Variants in RBFOX1 observed in about 807,000 individuals in gnomAD.
The protein encoded by RBFOX1 is RNA binding protein fox-1 homolog 1.
In RBFOX1, 8 loss-of-function variants were observed where a neutral mutation model predicts 57.7. That is an observed-to-expected ratio of 0.14 (90% CI 0.08 to 0.25). The LOEUF (loss-of-function observed/expected upper bound fraction) is 0.25. Ranked by LOEUF, RBFOX1 falls within the 10% of genes least tolerant of loss-of-function variation. The pLI, the probability that RBFOX1 is intolerant of heterozygous loss-of-function variation, is 1.00. For synonymous variants in RBFOX1, 326 were observed against 222.4 expected (o/e 1.47, Z -4.15); for missense variants, 611 against 548.5 (o/e 1.11, Z -1.14).
chr16:6,618,702 G>C (rs1283986110), intron 2 of RBFOX1, among the ~76,000 whole-genome samples: 13 of 152,182 alleles, frequency 8.5e-5, no homozygotes, highest in African/African-American at 3.1e-4. Context: ...GTATTAGAAA[G>C]GGAAAGCATT....
chr16:7,341,749 TCC>T (rs2096897413), intron 4 of RBFOX1, among the ~76,000 whole-genome samples: 2 of 56,522 alleles, frequency 3.5e-5, no homozygotes, highest in East Asian at 5.8e-4. Flanking sequence ...CCTCCCTCCC[TCC>T]CTCCTTCCCT....
intron 1 of RBFOX1, among the ~76,000 whole-genome samples, chr16:6,128,119 A>G (rs577304096): frequency 5.9e-5 from 9 of 152,322 alleles, no homozygotes; most frequent in Non-Finnish European, 8.8e-5. Flanking sequence ...AAATGCACAC[A>G]TTTGAAGAGT....
chr16:7,016,246 G>C (rs569951293), intron 3 of RBFOX1, among the ~76,000 whole-genome samples: 1 of 152,156 alleles, frequency 6.6e-6, no homozygotes, highest in Non-Finnish European at 1.5e-5. Context: ...ATGTGGAACG[G>C]GACCTGCCTC....
intron 4 of RBFOX1, among the ~76,000 whole-genome samples, chr16:7,438,772 C>T (rs1462256013): frequency 2.0e-5 from 3 of 152,294 alleles, no homozygotes; most frequent in East Asian, 3.9e-4. Flanking sequence ...ACAGTGAGCG[C>T]CTGTCAATAA....
At chr16:5,948,710 G>A (rs12924038) in intron 4 of RBFOX1, among the ~76,000 whole-genome samples, 2 of 151,946 alleles carry the variant, frequency 1.3e-5, no homozygotes, top group Non-Finnish European at 1.5e-5. Context: ...CCTCAGAGCC[G>A]CAGGATGGAA....
intron 2 of RBFOX1, among the ~76,000 whole-genome samples, chr16:6,651,972 A>G (rs1036499565): frequency 6.6e-6 from 1 of 152,230 alleles, no homozygotes; most frequent in Admixed American, 6.5e-5. Context: ...GCACAGAAGG[A>G]CAAATGTTGT....
At chr16:6,744,439 T>C (rs1010800494) in intron 3 of RBFOX1, among the ~76,000 whole-genome samples, 1 of 152,266 alleles carries the variant, frequency 6.6e-6, no homozygotes, top group South Asian at 2.1e-4. Context: ...AGAAAAGAGC[T>C]ATTCTGGGCT....
At chr16:6,329,670 G>C (rs1427643034) in intron 2 of RBFOX1, among the ~76,000 whole-genome samples, 1 of 152,198 alleles carries the variant, frequency 6.6e-6, no homozygotes, top group African/African-American at 2.4e-5. Context: ...GGTGGCCCAT[G>C]CCTGTAATCC....
At chr16:7,659,493 G>T (rs1401592050) in intron 12 of RBFOX1, among the ~76,000 whole-genome samples, 2 of 152,036 alleles carry the variant, frequency 1.3e-5, no homozygotes, top group African/African-American at 4.8e-5. Flanking sequence ...TAGACACAGG[G>T]GCGTCCAATC....
At chr16:7,094,287 C>G (rs971179420) in intron 4 of RBFOX1, among the ~76,000 whole-genome samples, 31 of 152,024 alleles carry the variant, frequency 2.0e-4, no homozygotes, top group Admixed American at 1.7e-3. Flanking sequence ...AAGATAATTT[C>G]GGGAAGCAAT....
chr16:6,727,198 C>G (rs1469808081), intron 3 of RBFOX1, among the ~76,000 whole-genome samples: 2 of 151,972 alleles, frequency 1.3e-5, no homozygotes. Context: ...ACTCACTATC[C>G]TGCAATTCTG....
intron 1 of RBFOX1, among the ~76,000 whole-genome samples, chr16:6,082,283 C>T (rs1421857131): frequency 7.2e-6 from 1 of 139,796 alleles, no homozygotes; most frequent in Non-Finnish European, 1.5e-5. Context: ...CAGATTCAAG[C>T]GATTCTCCTG....
intron 1 of RBFOX1, among the ~76,000 whole-genome samples, chr16:6,121,000 T>C (rs1374044886): frequency 6.6e-6 from 1 of 152,236 alleles, no homozygotes; most frequent in Non-Finnish European, 1.5e-5. Flanking sequence ...ACACTTGATC[T>C]TACATGAATG....
In RBFOX1 at chr16:5,864,939, C is replaced by T. The variant is rs570846223; in HGVS notation, c.319-2364C>T. Among the ~76,000 whole-genome samples, 140 of 152,298 alleles carry T rather than the reference C, an allele frequency of 9.2e-4. 1 individual carries two copies. The highest frequency in any genetic ancestry group is 2.2e-3 in the Admixed American group (33 of 15,300). On this transcript the variant is annotated intron_variant, in intron 3 of 19. Coordinates refer to the RBFOX1 transcript ENST00000641259. ...ATTATACTTTTTAAAAAATGTATTT[C>T]TGTCAGATCAATGCCACAATGGACA...
chr16:6,932,177 C>T (rs969210146), intron 3 of RBFOX1, among the ~76,000 whole-genome samples: 7 of 152,168 alleles, frequency 4.6e-5, no homozygotes, highest in Non-Finnish European at 7.3e-5. Context: ...GATCTTGGCT[C>T]ACTGCAACCT....
At chr16:5,275,881 C>G (rs1453408442) in intron 1 of RBFOX1, among the ~76,000 whole-genome samples, 1 of 151,980 alleles carries the variant, frequency 6.6e-6, no homozygotes, top group Non-Finnish European at 1.5e-5. Context: ...AAATAAAGCC[C>G]AATAATTAAT....
intron 3 of RBFOX1, among the ~76,000 whole-genome samples, chr16:6,712,127 TTGAA>T (rs2063815652): frequency 6.6e-6 from 1 of 152,226 alleles, no homozygotes; most frequent in Admixed American, 6.5e-5. Flanking sequence ...CAAATATTTA[TTGAA>T]TGAATGAATG....
intron 1 of RBFOX1, among the ~76,000 whole-genome samples, chr16:5,247,780 A>G (rs2062339656): frequency 6.6e-6 from 1 of 152,176 alleles, no homozygotes; most frequent in Admixed American, 6.5e-5. Flanking sequence ...GTACCCCGAC[A>G]GTCTTAGGTT....
chr16:7,107,383 C>T (rs989982332), intron 4 of RBFOX1, among the ~76,000 whole-genome samples: 2 of 152,174 alleles, frequency 1.3e-5, no homozygotes, highest in African/African-American at 4.8e-5. Flanking sequence ...AAGGGGGCCA[C>T]TCTAGGGTGG....
Sources: allele counts gnomAD v4.1 joint callset (sites outside exome capture counted in the v4.1 genomes callset), GRCh38; gene constraint gnomAD v4.1.1; transcripts MANE v1.5; gene names NCBI Gene and HGNC (gene_info 2026-07-23, HGNC 2026-07-21).